AP3B1: variants seen among roughly 807,000 people sequenced by gnomAD.
AP3B1 encodes adaptor related protein complex 3 subunit beta 1.
A neutral mutation model predicts 132.5 loss-of-function variants in AP3B1; 61 were observed. The observed-to-expected ratio is 0.46, with a 90% CI of 0.37 to 0.57. The LOEUF is 0.57. Ranked by LOEUF, AP3B1 falls within the 20% of genes least tolerant of loss-of-function variation. The pLI is 0.00. For synonymous variants in AP3B1, 388 were observed against 438.3 expected (o/e 0.89, Z 1.43); for missense variants, 1,120 against 1,289.4 (o/e 0.87, Z 2.01).
intron 2 of AP3B1, 25 bp from the exon 3 acceptor site, chr5:78,240,961 T>C (rs762914224): frequency 1.5e-5 from 23 of 1,499,288 alleles, no homozygotes; most frequent in Non-Finnish European, 2.0e-5. Context: ...AAACAGACAA[T>C]ATGGGAAATT....
intron 22 of AP3B1, among the ~76,000 whole-genome samples, chr5:78,060,229 C>T (rs139347244): frequency 4.3e-4 from 66 of 152,278 alleles, no homozygotes; most frequent in African/African-American, 1.5e-3. Context: ...AAGCATTCTG[C>T]AACCATTTGT....
chr5:78,282,569 T>C (rs10070215), intron 1 of AP3B1, among the ~76,000 whole-genome samples: 34,313 of 152,092 alleles, frequency 0.23, 4,540 homozygotes, highest in Middle Eastern at 0.31. Flanking sequence ...TAAAAGTAAA[T>C]ATATTTAGTT....
intron 25 of AP3B1, among the ~76,000 whole-genome samples, chr5:78,017,453 C>T (rs1580243472): frequency 1.3e-5 from 2 of 151,878 alleles, no homozygotes; most frequent in South Asian, 4.1e-4. Context: ...GTCTCGATTG[C>T]TGAGGTGGAA....
At chr5:78,225,704 G>A in intron 5 of AP3B1, 96 bp from the exon 6 acceptor site, 46 of 715,222 alleles carry the variant, frequency 6.4e-5, no homozygotes, top group Middle Eastern at 2.8e-4. Context: ...TTTTAAAGAG[G>A]GAAAGGAGAG....
At chr5:78,093,371 A>T (rs1397383790) in intron 21 of AP3B1, among the ~76,000 whole-genome samples, 3 of 152,228 alleles carry the variant, frequency 2.0e-5, no homozygotes, top group Non-Finnish European at 4.4e-5. Context: ...CATGTACTTT[A>T]AACAGAGGAG....
intron 3 of AP3B1, among the ~76,000 whole-genome samples, chr5:78,235,421 C>T (rs1746834313): frequency 6.6e-6 from 1 of 152,152 alleles, no homozygotes; most frequent in African/African-American, 2.4e-5. Context: ...GCAGGCATTG[C>T]AATAATTACT....
At chr5:78,226,349 T>G (rs1196097941) in intron 5 of AP3B1, among the ~76,000 whole-genome samples, 1 of 152,104 alleles carries the variant, frequency 6.6e-6, no homozygotes, top group African/African-American at 2.4e-5. Flanking sequence ...CATTTATTAC[T>G]AAACATTATA....
chr5:78,129,160 C>G lies in AP3B1; in HGVS notation c.1798G>C (p.Ala600Pro), dbSNP rs149263390. Residue 600 changes from alanine (A) to proline (P), a missense_variant, in exon 16 of 27, where the codon GCA becomes CCA. This residue lies in a region of AP3B1 where 906 missense variants were observed against 997.1 expected (regional missense o/e 0.91). Transcript: ENST00000255194. The part of the protein sequence containing the change: ...LSKYAKKIFL[A>P]QKPAPLLESP... ...TCAAGCAGTGGTGCAGGCTTTTGTG[C>G]TAGGAATATTTTTTTGGCATATTTA... is the stretch of plus-strand genomic sequence containing the variant. The G allele has an allele frequency of 6.2e-6, 10 of 1,613,066 alleles. No homozygotes were observed. Among genetic ancestry groups the G allele is most frequent in the Non-Finnish European group, 8.5e-6 (10 of 1,179,494 alleles).
chr5:78,141,619 A>G (rs1753150718), intron 14 of AP3B1, among the ~76,000 whole-genome samples: 1 of 152,236 alleles, frequency 6.6e-6, no homozygotes, highest in South Asian at 2.1e-4. Flanking sequence ...CTAGCTGCCC[A>G]TACCTATTTG....
In AP3B1 at chr5:78,248,328, A is replaced by G. The variant is rs982222615; in HGVS notation, c.205-7392T>C. On this transcript the variant is annotated intron_variant, in intron 2 of 26. Coordinates refer to ENST00000255194, the MANE Select transcript of AP3B1 (RefSeq NM_003664.5). ...AATATGGTGAAACCCCATCTCTACT[A>G]AAAATACAAAAATTAGCCAGGTGTG... 5.9e-5 allele frequency among the ~76,000 whole-genome samples: 9 copies of G among 151,910 alleles called. No individual in the cohort carries two copies. In the East Asian group the frequency reaches 1.7e-3, roughly 29 times the overall value.
chr5:78,173,946 G>A (rs1744034205), intron 11 of AP3B1, among the ~76,000 whole-genome samples: 1 of 151,970 alleles, frequency 6.6e-6, no homozygotes, highest in Admixed American at 6.6e-5. Flanking sequence ...CTTCAATCAT[G>A]GATACACTTT....
intron 1 of AP3B1, among the ~76,000 whole-genome samples, chr5:78,274,520 T>C (rs1456740557): frequency 6.6e-6 from 1 of 151,802 alleles, no homozygotes; most frequent in Admixed American, 6.6e-5. Flanking sequence ...ATGAAAAACA[T>C]AAACCCACAT....
intron 2 of AP3B1, among the ~76,000 whole-genome samples, chr5:78,246,909 C>G (rs1747401477): frequency 1.3e-5 from 2 of 152,050 alleles, no homozygotes. Context: ...GGTAGCTGCT[C>G]AGAGCACTGA....
chr5:78,172,922 A>T (rs953586368), intron 11 of AP3B1, among the ~76,000 whole-genome samples: 9 of 152,260 alleles, frequency 5.9e-5, no homozygotes, highest in African/African-American at 1.9e-4. Flanking sequence ...CCCTCTACAC[A>T]CTGCTTTAAA....
intron 1 of AP3B1, 47 bp from the exon 2 acceptor site, chr5:78,267,642 T>C (rs758641974): frequency 1.8e-5 from 20 of 1,119,054 alleles, no homozygotes; most frequent in East Asian, 2.4e-5. Flanking sequence ...ATTTTTATAT[T>C]AGATAGCTTA....
chr5:78,223,344 G>A (rs1453813344), intron 6 of AP3B1, among the ~76,000 whole-genome samples: 1 of 151,890 alleles, frequency 6.6e-6, no homozygotes, highest in East Asian at 1.9e-4. Flanking sequence ...TAACACTTTA[G>A]GAAAAATGAG....
intron 3 of AP3B1, among the ~76,000 whole-genome samples, chr5:78,230,726 T>C (rs998986182): frequency 5.9e-5 from 9 of 152,046 alleles, no homozygotes; most frequent in Admixed American, 1.3e-4. Context: ...CAATAAAGAG[T>C]CCTAGTAGAT....
At chr5:78,045,428 CT>C (rs1220227676) in intron 22 of AP3B1, among the ~76,000 whole-genome samples, 2 of 146,512 alleles carry the variant, frequency 1.4e-5, no homozygotes, top group Non-Finnish European at 3.0e-5. Context: ...TGTTTGATTA[CT>C]TTTTTAACCT....
At chr5:78,097,019 T>C (rs1580341747) in intron 21 of AP3B1, among the ~76,000 whole-genome samples, 1 of 90,780 alleles carries the variant, frequency 1.1e-5, no homozygotes, top group African/African-American at 5.2e-5. Context: ...GGTGGGGGGG[T>C]CAGCCCCCCG....
Sources: gnomAD v4.1 joint callset for allele counts (sites outside exome capture counted in the v4.1 genomes callset) on GRCh38, gnomAD v4.1.1 for gene constraint, gnomAD v4.1.1 regional missense constraint, MANE v1.5 for transcripts, NCBI Gene and HGNC (gene_info 2026-07-23, HGNC 2026-07-21) for gene names.